LHPP: variants seen among roughly 807,000 people sequenced by gnomAD.
The protein encoded by LHPP is hLHPP.
Under a neutral mutation model 30.3 loss-of-function variants are expected in LHPP, and 24 were observed. The ratio of observed to expected loss-of-function variants is 0.79; its 90% confidence interval spans 0.57 to 1.11. The LOEUF is 1.11. Among genes scored for constraint, LHPP ranks in the 50% most tolerant of loss-of-function variants. LHPP has a pLI of 0.00. For missense variants in LHPP, 356 were observed against 367.2 expected (o/e 0.97, Z 0.25); for synonymous variants, 150 against 157.1 (o/e 0.95, Z 0.34).
chr10:124,575,457 G>A (rs55988441), intron 6 of LHPP, among the ~76,000 whole-genome samples: 59 of 152,296 alleles, frequency 3.9e-4, no homozygotes, highest in Non-Finnish European at 7.4e-4. Flanking sequence ...TGAGGCAGAA[G>A]CACCCGGTTC....
rs191233408 is a variant in LHPP at position 124,595,573 on chromosome 10, G to A, written c.717-17691G>A. On this transcript the variant is annotated intron_variant, in intron 6 of 6. Coordinates refer to ENST00000368842, the MANE Select transcript of LHPP (RefSeq NM_022126.4). The stretch of plus-strand genomic sequence containing the variant: ...CCTACAGGGATTCCCTCTTTGCTTT[G>A]GCTGCCAGGGAACTCAAAGCTAAGT... 2.3e-3 allele frequency among the ~76,000 whole-genome samples: 345 copies of A among 152,302 alleles called. 2 individuals are homozygous for A. The highest frequency in any genetic ancestry group is 3.7e-3 in the Non-Finnish European group (249 of 68,030).
chr10:124,561,941 G>C (rs997441930), intron 6 of LHPP, among the ~76,000 whole-genome samples: 2 of 152,140 alleles, frequency 1.3e-5, no homozygotes, highest in African/African-American at 4.8e-5. Context: ...ACAGCTACTG[G>C]AAAAATGCTT....
At chr10:124,564,296 T>G (rs1948453774) in intron 6 of LHPP, among the ~76,000 whole-genome samples, 1 of 152,114 alleles carries the variant, frequency 6.6e-6, no homozygotes, top group South Asian at 2.1e-4. Flanking sequence ...GCTAATTTTT[T>G]GTATTTTTAG....
At chr10:124,562,695 G>A (rs975312500) in intron 6 of LHPP, among the ~76,000 whole-genome samples, 1 of 152,210 alleles carries the variant, frequency 6.6e-6, no homozygotes, top group Non-Finnish European at 1.5e-5. Context: ...ATTTTGGAAG[G>A]CTAAGGTGGG....
chr10:124,480,280 G>A (rs887249261), intron 1 of LHPP, among the ~76,000 whole-genome samples: 3 of 152,152 alleles, frequency 2.0e-5, no homozygotes, highest in South Asian at 2.1e-4. Flanking sequence ...TTTCACATCC[G>A]ATTTTTCAGG....
intron 5 of LHPP, among the ~76,000 whole-genome samples, chr10:124,506,271 C>T (rs867076295): frequency 1.6e-5 from 2 of 127,836 alleles, no homozygotes; most frequent in African/African-American, 5.8e-5. Flanking sequence ...AAACCCCCCC[C>T]CCACCCCGCG....
Position 124,517,650 on chromosome 10 carries a change from T to C in LHPP, c.716+379T>C, listed in dbSNP as rs1375055679. On this transcript the variant is annotated intron_variant, in intron 6 of 6. Transcript: ENST00000368842. The surrounding 1 kb of genome is among the most constrained non-coding windows in gnomAD (Gnocchi z 4.1). Reference sequence around the variant, plus strand: ...TTACAGCTGTGGGCACTCAGCCCCTTGGACAGCCTCCCTCTCCTTTTGTTC... The same window carrying C: ...TTACAGCTGTGGGCACTCAGCCCCTCGGACAGCCTCCCTCTCCTTTTGTTC... Among the ~76,000 whole-genome samples the C allele has an allele frequency of 6.6e-6, 1 of 152,220 alleles. No individual in the cohort carries two copies. Among genetic ancestry groups the C allele is most frequent in the East Asian group, 1.9e-4 (1 of 5,194 alleles).
At chr10:124,482,790 T>A (rs1192769420) in intron 1 of LHPP, among the ~76,000 whole-genome samples, 1 of 152,136 alleles carries the variant, frequency 6.6e-6, no homozygotes, top group African/African-American at 2.4e-5. Flanking sequence ...CTACCCCACC[T>A]TGTCACCCTC....
At chr10:124,491,263 T>C (rs1330667323) in intron 3 of LHPP, among the ~76,000 whole-genome samples, 1 of 152,202 alleles carries the variant, frequency 6.6e-6, no homozygotes, top group African/African-American at 2.4e-5. Flanking sequence ...TCCGAGGCGG[T>C]GGCGGAGGAA....
chr10:124,568,622 A>G (rs1029156024), intron 6 of LHPP, among the ~76,000 whole-genome samples: 1 of 152,184 alleles, frequency 6.6e-6, no homozygotes, highest in African/African-American at 2.4e-5. Flanking sequence ...GTGCTGGACC[A>G]TGGAATGGGG....
At chr10:124,482,789 C>G (rs147296699) in intron 1 of LHPP, among the ~76,000 whole-genome samples, 1 of 152,236 alleles carries the variant, frequency 6.6e-6, no homozygotes, top group Non-Finnish European at 1.5e-5. Flanking sequence ...CCTACCCCAC[C>G]TTGTCACCCT....
intron 6 of LHPP, among the ~76,000 whole-genome samples, chr10:124,546,614 G>GCA (rs1955349809): frequency 2.6e-5 from 4 of 152,158 alleles, no homozygotes; most frequent in Admixed American, 2.6e-4. Flanking sequence ...GTTTCACCAT[G>GCA]TTAGCCAGGA....
intron 6 of LHPP, among the ~76,000 whole-genome samples, chr10:124,556,210 G>T (rs75008517): frequency 7.0e-4 from 106 of 152,330 alleles, no homozygotes; most frequent in Middle Eastern, 3.4e-3. Context: ...CTCTGATGCC[G>T]CTGGGTGTCC....
intron 1 of LHPP, among the ~76,000 whole-genome samples, chr10:124,462,497 A>C (rs1952433243): frequency 6.6e-6 from 1 of 152,122 alleles, no homozygotes; most frequent in South Asian, 2.1e-4. Flanking sequence ...TGGGAGGCTG[A>C]GGCAGGAGGA....
intron 5 of LHPP, chr10:124,498,459 CA>C: frequency 6.7e-7 from 1 of 1,490,074 alleles, no homozygotes; most frequent in South Asian, 1.3e-5. Context: ...GACAGTGTAA[CA>C]GCAAGATTAC....
At chr10:124,557,317 C>A (rs112797873) in intron 6 of LHPP, among the ~76,000 whole-genome samples, 273 of 152,338 alleles carry the variant, frequency 1.8e-3, no homozygotes, top group African/African-American at 5.9e-3. Flanking sequence ...CCCACGCGAA[C>A]GGGCAGAGCT....
intron 1 of LHPP, among the ~76,000 whole-genome samples, chr10:124,476,822 C>T (rs1023755999): frequency 1.3e-5 from 2 of 152,326 alleles, no homozygotes; most frequent in South Asian, 2.1e-4. Context: ...TCCAAACATG[C>T]GTGTTCAATC....
At chr10:124,608,284 C>G (rs1306436111) in intron 6 of LHPP, among the ~76,000 whole-genome samples, 2 of 152,206 alleles carry the variant, frequency 1.3e-5, no homozygotes, top group Non-Finnish European at 2.9e-5. Context: ...CTGCCCCCCA[C>G]CAGCCTGTGT....
chr10:124,498,784 C>T, intron 5 of LHPP: 1 of 452,278 alleles, frequency 2.2e-6, no homozygotes, highest in Non-Finnish European at 4.4e-6. Context: ...ATCCTGCCAT[C>T]TCAGTGCCCC....
Sources: allele counts gnomAD v4.1 joint callset (sites outside exome capture counted in the v4.1 genomes callset), GRCh38; gene constraint gnomAD v4.1.1; non-coding constraint Gnocchi (gnomAD v3.1); transcripts MANE v1.5; gene names NCBI Gene and HGNC (gene_info 2026-07-23, HGNC 2026-07-21).